TOX2: variants seen among roughly 807,000 people sequenced by gnomAD.
TOX2 encodes the protein TOX high mobility group box family member 2, also known as granulosa cell HMG box 1.
In TOX2, 15 loss-of-function variants were observed where a neutral mutation model predicts 47.4. That is an observed-to-expected ratio of 0.32 (90% CI 0.21 to 0.49). The LOEUF (loss-of-function observed/expected upper bound fraction) is 0.49. Among genes scored for constraint, TOX2 ranks in the 20% least tolerant of loss-of-function variants. The pLI, the probability that TOX2 is intolerant of heterozygous loss-of-function variation, is 0.99. For synonymous variants in TOX2, 290 were observed against 296.6 expected (o/e 0.98, Z 0.23); for missense variants, 622 against 673.1 (o/e 0.92, Z 0.84).
At chr20:43,930,826 TC>T (rs2145317737) in intron 1 of TOX2, among the ~76,000 whole-genome samples, 1 of 152,318 alleles carries the variant, frequency 6.6e-6, no homozygotes, top group South Asian at 2.1e-4. Context: ...CCTGCTATGA[TC>T]CCACGGTGCA....
chr20:43,928,718 C>T (rs540481706), intron 1 of TOX2, among the ~76,000 whole-genome samples: 2 of 152,280 alleles, frequency 1.3e-5, no homozygotes, highest in Admixed American at 1.3e-4. Flanking sequence ...ACTTCGCTTT[C>T]CATGGAGTTT....
chr20:44,002,351 G>A (rs1041789583), intron 2 of TOX2, among the ~76,000 whole-genome samples: 1 of 152,132 alleles, frequency 6.6e-6, no homozygotes, highest in Non-Finnish European at 1.5e-5. Context: ...TGCTTATTCT[G>A]TGTCCTTGGG....
chr20:44,044,532 A>G lies in TOX2; in HGVS notation c.412-6774A>G, dbSNP rs185463320. ...GGGATCAATTATATCCCTACCGGAC[A>G]AAATTTCTTTGCATTTTTATGGACA... On this transcript the variant is annotated intron_variant, in intron 3 of 8. Coordinates refer to ENST00000341197, the MANE Select transcript of TOX2 (RefSeq NM_001098797.2). Among the ~76,000 whole-genome samples, 213 of 152,260 alleles carry G rather than the reference A, an allele frequency of 1.4e-3. 1 individual carries two copies. Among genetic ancestry groups the G allele is most frequent in the Non-Finnish European group, 2.4e-3 (163 of 68,014 alleles).
At chr20:44,035,668 G>A (rs6073295) in intron 3 of TOX2, among the ~76,000 whole-genome samples, 1 of 152,220 alleles carries the variant, frequency 6.6e-6, no homozygotes, top group African/African-American at 2.4e-5. Flanking sequence ...CGTGGGGAGA[G>A]GCTGGTTCTT....
chr20:44,006,937 C>A, intron 3 of TOX2, 145 bp downstream of exon 3: 1 of 1,265,382 alleles, frequency 7.9e-7, no homozygotes, highest in Non-Finnish European at 1.1e-6. Flanking sequence ...AGTTGGTAAT[C>A]CCATGCTGGG....
intron 3 of TOX2, among the ~76,000 whole-genome samples, chr20:44,049,116 A>G (rs1360885625): frequency 1.3e-5 from 2 of 152,202 alleles, no homozygotes; most frequent in Non-Finnish European, 2.9e-5. Context: ...TCAAAACAAA[A>G]CCGACATCAA....
At chr20:44,049,202 A>G (rs1315410723) in intron 3 of TOX2, among the ~76,000 whole-genome samples, 2 of 152,258 alleles carry the variant, frequency 1.3e-5, no homozygotes, top group African/African-American at 4.8e-5. Flanking sequence ...CAATCTGGAC[A>G]AGCCTGTGTA....
At chr20:44,047,938 G>T (rs1292014399) in intron 3 of TOX2, among the ~76,000 whole-genome samples, 1 of 151,992 alleles carries the variant, frequency 6.6e-6, no homozygotes, top group East Asian at 1.9e-4. Flanking sequence ...TAAACTTTTG[G>T]CCGGGTGTGG....
intron 1 of TOX2, among the ~76,000 whole-genome samples, chr20:43,946,968 G>C (rs77162677): frequency 6.6e-6 from 1 of 152,176 alleles, no homozygotes; most frequent in Non-Finnish European, 1.5e-5. Flanking sequence ...GCTCAGGTCC[G>C]CTTTCCGTCA....
chr20:43,927,622 TTCC>T (rs60966568), intron 1 of TOX2, among the ~76,000 whole-genome samples: 10,016 of 80,350 alleles, frequency 0.12, 1,293 homozygotes, highest in African/African-American at 0.33. Flanking sequence ...CCTTCCTTCC[TTCC>T]TCCTTCCTTC....
intron 3 of TOX2, among the ~76,000 whole-genome samples, chr20:44,049,898 A>G (rs1292955427): frequency 6.6e-6 from 1 of 152,120 alleles, no homozygotes; most frequent in African/African-American, 2.4e-5. Flanking sequence ...TTTGATGGGT[A>G]TCTGGGCTGA....
intron 1 of TOX2, among the ~76,000 whole-genome samples, chr20:43,948,755 TAGATGGGG>T: frequency 6.6e-6 from 1 of 152,286 alleles, no homozygotes; most frequent in African/African-American, 2.4e-5. Flanking sequence ...GCATGAAATA[TAGATGGGG>T]AGATGGGGAG....
chr20:44,017,818 CA>C (rs1343492960), intron 3 of TOX2, among the ~76,000 whole-genome samples: 1 of 152,124 alleles, frequency 6.6e-6, no homozygotes, highest in Non-Finnish European at 1.5e-5. Context: ...ACACAGTTAT[CA>C]AAATGATGGT....
At chr20:44,063,572 T>G (rs2071757146) in intron 5 of TOX2, among the ~76,000 whole-genome samples, 1 of 152,264 alleles carries the variant, frequency 6.6e-6, no homozygotes, top group East Asian at 1.9e-4. Flanking sequence ...TAAAAGTAGA[T>G]CTACTGTTTG....
At chr20:44,001,436 G>A (rs1471910507) in intron 2 of TOX2, among the ~76,000 whole-genome samples, 1 of 152,246 alleles carries the variant, frequency 6.6e-6, no homozygotes, top group Non-Finnish European at 1.5e-5. Context: ...TGTCATGCAT[G>A]TAGGATTTGA....
At chr20:43,920,808 T>C (rs1044514728) in intron 1 of TOX2, among the ~76,000 whole-genome samples, 5 of 152,142 alleles carry the variant, frequency 3.3e-5, no homozygotes, top group African/African-American at 4.8e-5. Flanking sequence ...AAATAAAGGC[T>C]GGGAATGTCA....
At chr20:43,982,292 G>C (rs1349240456) in intron 2 of TOX2, among the ~76,000 whole-genome samples, 1 of 152,202 alleles carries the variant, frequency 6.6e-6, no homozygotes, top group African/African-American at 2.4e-5. Flanking sequence ...TGTGGGGCAT[G>C]GGAGAATGAG....
At chr20:43,997,847 A>G (rs2070506137) in intron 2 of TOX2, among the ~76,000 whole-genome samples, 1 of 152,206 alleles carries the variant, frequency 6.6e-6, no homozygotes, top group South Asian at 2.1e-4. Flanking sequence ...GAAGTTACTT[A>G]GATGATTGCT....
intron 1 of TOX2, among the ~76,000 whole-genome samples, chr20:43,967,348 G>A (rs1462223833): frequency 1.3e-5 from 2 of 152,180 alleles, no homozygotes; most frequent in East Asian, 3.8e-4. Flanking sequence ...AATTGGTGAT[G>A]TTGCAACCGT....
Sources: allele counts gnomAD v4.1 joint callset (sites outside exome capture counted in the v4.1 genomes callset), GRCh38; gene constraint gnomAD v4.1.1; transcripts MANE v1.5; gene names NCBI Gene and HGNC (gene_info 2026-07-23, HGNC 2026-07-21).